MEF2C: variants seen among roughly 807,000 people sequenced by gnomAD.
MEF2C encodes myocyte-specific enhancer factor 2C.
A neutral mutation model predicts 50.5 loss-of-function variants in MEF2C; 6 were observed. That is an observed-to-expected ratio of 0.12 (90% CI 0.07 to 0.23). MEF2C has a LOEUF of 0.23. Ranked by LOEUF, MEF2C falls within the 10% of genes least tolerant of loss-of-function variation. The pLI, the probability that MEF2C is intolerant of heterozygous loss-of-function variation, is 1.00. For synonymous variants in MEF2C, 183 were observed against 228.0 expected (o/e 0.80, Z 1.78); for missense variants, 276 against 605.0 (o/e 0.46, Z 5.70).
intron 1 of MEF2C, among the ~76,000 whole-genome samples, chr5:88,874,336 A>C (rs1830445709): frequency 6.6e-6 from 1 of 152,012 alleles, no homozygotes; most frequent in Non-Finnish European, 1.5e-5. Context: ...ACTGTTCCAG[A>C]GAATTTCCAA....
intron 1 of MEF2C, among the ~76,000 whole-genome samples, chr5:88,856,106 G>A (rs1823235497): frequency 6.6e-6 from 1 of 152,186 alleles, no homozygotes; most frequent in Non-Finnish European, 1.5e-5. Flanking sequence ...AGATGGAGAT[G>A]AGAAACTTGT....
At chr5:88,727,379 G>A (rs543640770) in intron 10 of MEF2C, among the ~76,000 whole-genome samples, 4 of 152,182 alleles carry the variant, frequency 2.6e-5, no homozygotes, top group South Asian at 2.1e-4. Flanking sequence ...AACAGTGTAC[G>A]GGTGAATATT....
intron 10 of MEF2C, 23 bp downstream of exon 10, chr5:88,728,470 T>C (rs1392571060): frequency 7.1e-7 from 1 of 1,399,824 alleles, no homozygotes; most frequent in South Asian, 1.8e-5. Context: ...TAAAATTATA[T>C]TATAAAAAAT....
At chr5:88,763,024 A>G (rs1312341360) in intron 3 of MEF2C, among the ~76,000 whole-genome samples, 1 of 152,208 alleles carries the variant, frequency 6.6e-6, no homozygotes, top group African/African-American at 2.4e-5. Flanking sequence ...TTAGTTTCTG[A>G]GGCACTGAAT....
intron 1 of MEF2C, among the ~76,000 whole-genome samples, chr5:88,866,346 G>A (rs1464954577): frequency 6.6e-6 from 1 of 152,154 alleles, no homozygotes; most frequent in African/African-American, 2.4e-5. Flanking sequence ...GTGGAAATTT[G>A]GCAAGGAATC....
rs1163669166 is a variant in MEF2C at position 88,718,172 on chromosome 5, A to G, written c.*4432T>C. The G allele has an allele frequency of 6.6e-6, 1 of 152,252 alleles. No homozygotes were observed. The highest frequency in any genetic ancestry group is 1.5e-5 in the Non-Finnish European group (1 of 68,044). The allele number at this position is 152,252 out of a possible 1,614,324, so 9.4% of individuals were successfully genotyped here. ...TTGTGGCATAAGCTGCTTTTTAAAA[A>G]ACACAATAAAATTGAATAAATTTAA... On this transcript the variant is annotated 3_prime_UTR_variant, in exon 11 of 11. Transcript: ENST00000504921.
chr5:88,800,065 C>T (rs1211918644), intron 3 of MEF2C, among the ~76,000 whole-genome samples: 1 of 152,212 alleles, frequency 6.6e-6, no homozygotes, highest in Non-Finnish European at 1.5e-5. Flanking sequence ...TATTCCCCTT[C>T]CACACTTAAT....
intron 6 of MEF2C, chr5:88,741,850 A>G (rs1766985664): frequency 2.0e-6 from 2 of 985,310 alleles, no homozygotes; most frequent in Non-Finnish European, 2.4e-6. Flanking sequence ...ATGGAGCAAT[A>G]ATAAATAAAC....
chr5:88,780,587 G>A (rs779932599), intron 3 of MEF2C, among the ~76,000 whole-genome samples: 2 of 152,140 alleles, frequency 1.3e-5, no homozygotes, highest in Non-Finnish European at 2.9e-5. Flanking sequence ...ATTTCCAAGA[G>A]TATGTATCCT....
chr5:88,774,563 C>T (rs909866869), intron 3 of MEF2C, among the ~76,000 whole-genome samples: 1 of 152,164 alleles, frequency 6.6e-6, no homozygotes, highest in African/African-American at 2.4e-5. Context: ...ACCTCGTGAT[C>T]TGCCCGCCTC....
At chr5:88,746,383 G>A in intron 6 of MEF2C, 1 of 395,104 alleles carries the variant, frequency 2.5e-6, no homozygotes, top group Non-Finnish European at 3.4e-6. Flanking sequence ...AGTATTTATA[G>A]GCACAAAATA....
intron 3 of MEF2C, chr5:88,780,826 A>G: frequency 1.0e-6 from 1 of 985,204 alleles, no homozygotes; most frequent in Non-Finnish European, 1.2e-6. Context: ...TTGAAATCTC[A>G]ATCAACCTAC....
chr5:88,828,057 C>CT (rs1478029376), intron 1 of MEF2C, among the ~76,000 whole-genome samples: 2 of 151,944 alleles, frequency 1.3e-5, no homozygotes, highest in Admixed American at 1.3e-4. Flanking sequence ...AATCTCCTCA[C>CT]TATTAGGTTC....
chr5:88,823,115 A>G (rs1403292862), intron 2 of MEF2C, among the ~76,000 whole-genome samples: 1 of 152,004 alleles, frequency 6.6e-6, no homozygotes, highest in Non-Finnish European at 1.5e-5. Flanking sequence ...TTGGCATTCT[A>G]GAAAAAAATT....
intron 3 of MEF2C, among the ~76,000 whole-genome samples, chr5:88,766,324 G>A (rs1323809737): frequency 2.0e-5 from 3 of 152,034 alleles, no homozygotes; most frequent in Non-Finnish European, 2.9e-5. Context: ...TAGGCATTAC[G>A]TTATCAACTA....
rs148979105 is a variant in MEF2C at position 88,727,535 on chromosome 5, G to A, written c.1100+958C>T. Among the ~76,000 whole-genome samples, 58 of 152,208 alleles carry A rather than the reference G, an allele frequency of 3.8e-4. No homozygotes were observed. The East Asian group carries it at 0.011, about 29-fold the overall frequency. ...TACTAATCAGTGTTTTATTCTCACTGTCTCCTTAGACATATGGATATATAA... is the reference window on the plus strand; with the variant it reads ...TACTAATCAGTGTTTTATTCTCACTATCTCCTTAGACATATGGATATATAA... On this transcript the variant is annotated intron_variant, in intron 10 of 10. Transcript: ENST00000504921.
At chr5:88,820,773 T>C (rs1807948121) in intron 2 of MEF2C, among the ~76,000 whole-genome samples, 1 of 152,000 alleles carries the variant, frequency 6.6e-6, no homozygotes. Flanking sequence ...CTACACAGTA[T>C]GATATGCTGT....
At chr5:88,853,365 C>T (rs1197039345) in intron 1 of MEF2C, among the ~76,000 whole-genome samples, 1 of 152,134 alleles carries the variant, frequency 6.6e-6, no homozygotes, top group African/African-American at 2.4e-5. Flanking sequence ...CAGCTGTGTA[C>T]ACAGGGTAGC....
intron 5 of MEF2C, chr5:88,749,576 C>T: frequency 1.2e-6 from 1 of 841,136 alleles, no homozygotes; most frequent in African/African-American, 1.8e-5. Context: ...ACATTTACTA[C>T]TAAAATCTTA....
Sources: gnomAD v4.1 joint callset for allele counts (sites outside exome capture counted in the v4.1 genomes callset) on GRCh38, gnomAD v4.1.1 for gene constraint, MANE v1.5 for transcripts, NCBI Gene and HGNC (gene_info 2026-07-23, HGNC 2026-07-21) for gene names.